The following CDK6 variants were observed in gnomAD, a reference collection of about 807,000 sequenced individuals.
CDK6 encodes cyclin-dependent kinase 6.
In CDK6, 6 loss-of-function variants were observed where a neutral mutation model predicts 37.1. The observed-to-expected ratio is 0.16, with a 90% CI of 0.09 to 0.32. CDK6 has a LOEUF of 0.32. Among genes scored for constraint, CDK6 ranks in the 10% least tolerant of loss-of-function variants. The probability of loss-of-function intolerance (pLI) is 1.00; values close to 1 mark genes in which losing one functional copy is unlikely to be tolerated. For missense variants in CDK6, 224 were observed against 418.9 expected, an observed-to-expected ratio of 0.53 and a Z score of 4.06; for synonymous variants, 160 against 161.3, an observed-to-expected ratio of 0.99 and a Z score of 0.06.
intron 3 of CDK6, among the ~76,000 whole-genome samples, chr7:92,759,697 CAAAA>C (rs61188860): frequency 6.7e-5 from 5 of 74,122 alleles, no homozygotes; most frequent in Non-Finnish European, 1.5e-4. Context: ...GACTTTAAGG[CAAAA>C]AAAAAAAAAA....
At chr7:92,615,386 AT>A (rs1795654426) in intron 7 of CDK6, 100 bp from the exon 8 acceptor site, 1 of 933,826 alleles carries the variant, frequency 1.1e-6, no homozygotes, top group Non-Finnish European at 1.7e-6. Flanking sequence ...TGTTAAGCGC[AT>A]CTACAGTGGG....
chr7:92,829,429 C>G (rs1246041283), intron 2 of CDK6, among the ~76,000 whole-genome samples: 2 of 152,140 alleles, frequency 1.3e-5, no homozygotes, highest in African/African-American at 4.8e-5. Context: ...TAAGCACTGG[C>G]TTGTATCTTT....
At chr7:92,683,909 T>C (rs896293153) in intron 4 of CDK6, among the ~76,000 whole-genome samples, 3 of 152,222 alleles carry the variant, frequency 2.0e-5, no homozygotes, top group Admixed American at 6.5e-5. Context: ...AAGTATTTTC[T>C]GACAATAAGA....
At chr7:92,651,585 T>A (rs1796575675) in intron 5 of CDK6, among the ~76,000 whole-genome samples, 1 of 152,090 alleles carries the variant, frequency 6.6e-6, no homozygotes, top group Non-Finnish European at 1.5e-5. Context: ...GTCTTTGATA[T>A]TATAAGGAGC....
At chr7:92,736,832 C>T (rs182257896) in intron 3 of CDK6, among the ~76,000 whole-genome samples, 3 of 152,240 alleles carry the variant, frequency 2.0e-5, no homozygotes, top group African/African-American at 7.2e-5. Context: ...CTATTCTGAA[C>T]ATATGATAGA....
intron 4 of CDK6, among the ~76,000 whole-genome samples, chr7:92,693,347 G>C (rs1237952432): frequency 1.3e-5 from 2 of 152,154 alleles, no homozygotes; most frequent in Non-Finnish European, 2.9e-5. Flanking sequence ...CTCCCTCCCA[G>C]CCCTATGTGA....
intron 7 of CDK6, among the ~76,000 whole-genome samples, chr7:92,615,735 G>A (rs1795661554): frequency 1.3e-5 from 2 of 152,154 alleles, no homozygotes; most frequent in Non-Finnish European, 1.5e-5. Context: ...GATTCAGTTC[G>A]AGTCACTAAA....
intron 3 of CDK6, among the ~76,000 whole-genome samples, chr7:92,730,826 T>C (rs1798629028): frequency 6.6e-6 from 1 of 152,232 alleles, no homozygotes; most frequent in Non-Finnish European, 1.5e-5. Flanking sequence ...CTGCTGTGAA[T>C]ATTGCTGCTA....
intron 4 of CDK6, among the ~76,000 whole-genome samples, chr7:92,709,331 T>A (rs1275037570): frequency 1.3e-5 from 2 of 152,150 alleles, no homozygotes; most frequent in Non-Finnish European, 2.9e-5. Flanking sequence ...TGAGCTGATG[T>A]TTCTCAACCC....
In CDK6 at chr7:92,612,785, T is replaced by G. The variant is rs1444977163; in HGVS notation, c.*2355A>C. On this transcript the variant is annotated 3_prime_UTR_variant, in exon 8 of 8. Transcript: ENST00000424848. Reference sequence around the variant, plus strand: ...GCTGCATTTTTCTTGAGTGAACTTATGAAAACACTTTTACAACAGCAAAAA... The same window carrying G: ...GCTGCATTTTTCTTGAGTGAACTTAGGAAAACACTTTTACAACAGCAAAAA... The G allele has an allele frequency of 4.3e-6, 1 of 233,154 alleles. No individual in the cohort carries two copies. Among genetic ancestry groups the G allele is most frequent in the Non-Finnish European group, 8.5e-6 (1 of 117,966 alleles). 14.4% of individuals were successfully genotyped at this position (233,154 alleles called of 1,614,324 possible).
At chr7:92,800,329 G>A (rs541003196) in intron 2 of CDK6, among the ~76,000 whole-genome samples, 10 of 152,100 alleles carry the variant, frequency 6.6e-5, no homozygotes, top group African/African-American at 2.2e-4. Context: ...CCTCAGGTTC[G>A]TCTGCCATAC....
chr7:92,726,123 G>A lies in CDK6; in HGVS notation c.370-330C>T, dbSNP rs573087329. The stretch of plus-strand genomic sequence containing the variant: ...CTGGGGAGAGGAAGGAGGAGGTCGT[G>A]AGGGGACACTTTTTGCTTCTCTATT... On this transcript the variant is annotated intron_variant, in intron 3 of 7. Coordinates refer to ENST00000424848, the MANE Select transcript of CDK6 (RefSeq NM_001145306.2). 2.0e-5 allele frequency among the ~76,000 whole-genome samples: 3 copies of A among 152,250 alleles called. No homozygotes were observed. The South Asian group carries it at 6.2e-4, about 32-fold the overall frequency.
intron 2 of CDK6, among the ~76,000 whole-genome samples, chr7:92,817,436 AC>A (rs1214512028): frequency 6.6e-6 from 1 of 151,954 alleles, no homozygotes; most frequent in African/African-American, 2.4e-5. Context: ...AAAAACACTG[AC>A]AAAATTCAGT....
Position 92,609,793 on chromosome 7 carries a change from T to C in CDK6, c.*5347A>G, listed in dbSNP as rs568685521. 1.5e-4 allele frequency: 34 copies of C among 230,340 alleles called. No homozygotes were observed. Among genetic ancestry groups the C allele is most frequent in the African/African-American group, 5.7e-4 (26 of 45,316 alleles). 14.3% of individuals were successfully genotyped at this position (230,340 alleles called of 1,614,324 possible). A position where few individuals can be genotyped will look rare whatever the true frequency, so the allele number is the denominator to read the frequency against. The stretch of plus-strand genomic sequence containing the variant: ...CCTGTTTTAATCTAGAAAAGTAAGG[T>C]AACTGGGTACTTCAAAAATTTTTTC... On this transcript the variant is annotated 3_prime_UTR_variant, in exon 8 of 8. Transcript: ENST00000424848.
intron 5 of CDK6, among the ~76,000 whole-genome samples, chr7:92,653,184 A>T (rs1219667578): frequency 2.6e-5 from 4 of 152,156 alleles, no homozygotes; most frequent in Non-Finnish European, 5.9e-5. Context: ...CAATCTTTGG[A>T]GTGAATTCCA....
chr7:92,714,945 C>T (rs949812442), intron 4 of CDK6, among the ~76,000 whole-genome samples: 1 of 152,048 alleles, frequency 6.6e-6, no homozygotes, highest in Non-Finnish European at 1.5e-5. Context: ...TTTTAAATGC[C>T]ACATTCCAAA....
chr7:92,732,851 T>C (rs181984786), intron 3 of CDK6, among the ~76,000 whole-genome samples: 17 of 152,334 alleles, frequency 1.1e-4, no homozygotes, highest in Admixed American at 1.1e-3. Context: ...TACCGAGCTG[T>C]AGCAACCATC....
intron 4 of CDK6, among the ~76,000 whole-genome samples, chr7:92,697,540 T>A: frequency 6.6e-6 from 1 of 152,190 alleles, no homozygotes; most frequent in Admixed American, 6.5e-5. Context: ...TAGCCACTTG[T>A]CAGAGATACA....
chr7:92,724,252 C>A (rs1176394878), intron 4 of CDK6, among the ~76,000 whole-genome samples: 1 of 152,154 alleles, frequency 6.6e-6, no homozygotes. Context: ...CTTGCTTGAC[C>A]GTGCTCAAAG....
Sources: gnomAD v4.1 joint callset for allele counts (sites outside exome capture counted in the v4.1 genomes callset) on GRCh38, gnomAD v4.1.1 for gene constraint, MANE v1.5 for transcripts, NCBI Gene and HGNC (gene_info 2026-07-23, HGNC 2026-07-21) for gene names.